Variants in CLNK observed in about 807,000 individuals in gnomAD.
CLNK encodes the protein cytokine dependent hematopoietic cell linker, also known as cytokine-dependent hematopoietic cell linker.
Under a neutral mutation model 68.6 loss-of-function variants are expected in CLNK, and 74 were observed. The ratio of observed to expected loss-of-function variants is 1.08; its 90% CI spans 0.89 to 1.31. The LOEUF (loss-of-function observed/expected upper bound fraction) is 1.31. CLNK is among the 50% of genes most tolerant of loss of function. CLNK has a pLI of 0.00. For synonymous variants in CLNK, 198 were observed against 172.2 expected (o/e 1.15, Z -1.17); for missense variants, 553 against 515.3 (o/e 1.07, Z -0.71).
At chr4:10,657,347 G>A (rs1005964930) in intron 2 of CLNK, among the ~76,000 whole-genome samples, 1 of 152,112 alleles carries the variant, frequency 6.6e-6, no homozygotes, top group African/African-American at 2.4e-5. Context: ...CATGAAAGGA[G>A]GAATGAAAAC....
the CLNK span, among the ~76,000 whole-genome samples, chr4:10,716,302 A>G: frequency 6.6e-6 from 1 of 152,316 alleles, no homozygotes; most frequent in East Asian, 1.9e-4. Flanking sequence ...TAAATGTCTC[A>G]GTTAAGGTAG....
intron 2 of CLNK, among the ~76,000 whole-genome samples, chr4:10,666,179 C>T (rs555734889): frequency 0.012 from 1,786 of 152,248 alleles, 14 homozygotes; most frequent in Non-Finnish European, 0.018. Flanking sequence ...GGAGAAAGGA[C>T]TTGCTGAACC....
intron 18 of CLNK, among the ~76,000 whole-genome samples, chr4:10,494,004 C>T (rs1430202858): frequency 1.3e-5 from 2 of 152,250 alleles, no homozygotes; most frequent in Admixed American, 6.5e-5. Context: ...TTATGATTAA[C>T]TCCTCCCTTC....
chr4:10,571,141 G>A (rs978163678), intron 5 of CLNK, among the ~76,000 whole-genome samples: 9 of 151,962 alleles, frequency 5.9e-5, no homozygotes, highest in African/African-American at 1.5e-4. Context: ...CGCACTTGCC[G>A]GCACAGTGTA....
At chr4:10,524,377 C>T (rs531327429) in intron 14 of CLNK, among the ~76,000 whole-genome samples, 1 of 152,190 alleles carries the variant, frequency 6.6e-6, no homozygotes, top group African/African-American at 2.4e-5. Flanking sequence ...TTGCAACATG[C>T]CTGACTCTGC....
intron 10 of CLNK, among the ~76,000 whole-genome samples, chr4:10,540,914 A>G (rs947903592): frequency 2.0e-5 from 3 of 152,024 alleles, no homozygotes; most frequent in African/African-American, 4.8e-5. Flanking sequence ...AGAACTACCC[A>G]AATAAATATA....
At chr4:10,661,868 CA>C (rs1424192505) in intron 2 of CLNK, among the ~76,000 whole-genome samples, 9 of 152,298 alleles carry the variant, frequency 5.9e-5, no homozygotes, top group South Asian at 2.1e-4. Flanking sequence ...AGAAGATTCT[CA>C]ATTCTGTCTC....
At chr4:10,699,488 CTCTCTCTA>C in the CLNK span, among the ~76,000 whole-genome samples, 1 of 55,032 alleles carries the variant, frequency 1.8e-5, no homozygotes, top group Non-Finnish European at 3.5e-5. Context: ...CTCTCTCTCT[CTCTCTCTA>C]TATATATATA....
intron 2 of CLNK, among the ~76,000 whole-genome samples, chr4:10,603,107 C>T (rs966559623): frequency 4.0e-4 from 61 of 152,220 alleles, no homozygotes; most frequent in African/African-American, 1.2e-3. Flanking sequence ...GCCATTTCTT[C>T]TGTTGTAAAA....
chr4:10,671,669 G>A (rs548944727), intron 1 of CLNK, among the ~76,000 whole-genome samples: 1 of 152,260 alleles, frequency 6.6e-6, no homozygotes, highest in African/African-American at 2.4e-5. Flanking sequence ...CCTCATGTGT[G>A]CATTTTCAAA....
At chr4:10,508,836 G>A (rs114818560) in intron 16 of CLNK, among the ~76,000 whole-genome samples, 27,719 of 151,588 alleles carry the variant, frequency 0.18, 2,820 homozygotes, top group East Asian at 0.36. Context: ...GGCTGGGTGT[G>A]GTGGCTCAAT....
chr4:10,498,346 G>A (rs1716897202), intron 18 of CLNK, among the ~76,000 whole-genome samples: 1 of 152,078 alleles, frequency 6.6e-6, no homozygotes. Flanking sequence ...AAAAAAATTA[G>A]CCGGGCGTGG....
rs149081344 is a variant in CLNK at position 10,661,967 on chromosome 4, T to C, written c.11+5892A>G. ...ATCTCTCCACCTCTAAATATCTATC[T>C]CTATTTTATTGTTTTGTTTACCATC... On this transcript the variant is annotated intron_variant, in intron 2 of 18. Transcript: ENST00000226951. 2.6e-3 allele frequency among the ~76,000 whole-genome samples: 389 copies of C among 152,300 alleles called. 11 individuals are homozygous for C. The East Asian group carries it at 0.066, about 26-fold the overall frequency.
intron 8 of CLNK, among the ~76,000 whole-genome samples, chr4:10,550,540 T>A (rs1251451763): frequency 1.3e-5 from 2 of 152,050 alleles, no homozygotes; most frequent in Admixed American, 1.3e-4. Flanking sequence ...ACACTTAAGT[T>A]ACAGCAGCCC....
At position 10,517,144 on chromosome 4, in the gene CLNK, G is replaced by A. The variant is rs745606942; in HGVS notation, c.773-3547C>T. Among the ~76,000 whole-genome samples, 6 of 152,032 alleles carry A rather than the reference G, an allele frequency of 3.9e-5. No homozygotes were observed. The South Asian group carries it at 6.2e-4, about 16-fold the overall frequency. ...TTTGTATTGTTTGAAAAGAAAATAT[G>A]AATTTCAGATAGTTAAAATTTTAGC... On this transcript the variant is annotated intron_variant, in intron 15 of 18. Transcript: ENST00000226951.
At chr4:10,582,292 C>G (rs1301408753) in intron 4 of CLNK, among the ~76,000 whole-genome samples, 1 of 152,174 alleles carries the variant, frequency 6.6e-6, no homozygotes, top group African/African-American at 2.4e-5. Flanking sequence ...ATATTCTATA[C>G]CTGCCTGTCT....
At chr4:10,580,392 C>T (rs1720734193) in intron 4 of CLNK, among the ~76,000 whole-genome samples, 1 of 152,166 alleles carries the variant, frequency 6.6e-6, no homozygotes, top group Non-Finnish European at 1.5e-5. Flanking sequence ...TTTAAAGCAT[C>T]CCGCTACTGA....
intron 2 of CLNK, among the ~76,000 whole-genome samples, chr4:10,599,813 T>C (rs998204486): frequency 2.0e-5 from 3 of 152,164 alleles, no homozygotes; most frequent in Non-Finnish European, 2.9e-5. Flanking sequence ...TCATGAGCTA[T>C]TTAATATATT....
intron 3 of CLNK, among the ~76,000 whole-genome samples, chr4:10,589,435 G>A (rs1721104401): frequency 1.3e-5 from 2 of 152,182 alleles, no homozygotes; most frequent in South Asian, 4.1e-4. Flanking sequence ...TGGGGCCCCA[G>A]AGTAATGGTG....
Sources: allele counts gnomAD v4.1 joint callset (sites outside exome capture counted in the v4.1 genomes callset), GRCh38; gene constraint gnomAD v4.1.1; transcripts MANE v1.5; gene names NCBI Gene and HGNC (gene_info 2026-07-23, HGNC 2026-07-21).